CCDC178: variants seen among roughly 807,000 people sequenced by gnomAD.
CCDC178 encodes the protein coiled-coil domain containing 178.
Under a neutral mutation model 117.4 loss-of-function variants are expected in CCDC178, and 126 were observed. The ratio of observed to expected loss-of-function variants is 1.07; its 90% CI spans 0.93 to 1.24. CCDC178 has a LOEUF of 1.24. CCDC178 is among the 50% of genes most tolerant of loss of function. The probability of loss-of-function intolerance (pLI) is 0.00; values close to 1 mark genes in which losing one functional copy is unlikely to be tolerated. For missense variants in CCDC178, 1,030 were observed against 986.9 expected (o/e 1.04, Z -0.59); for synonymous variants, 283 against 313.4 (o/e 0.90, Z 1.02).
At chr18:33,081,922 G>A (rs1380924446) in intron 21 of CCDC178, among the ~76,000 whole-genome samples, 1 of 152,180 alleles carries the variant, frequency 6.6e-6, no homozygotes, top group Non-Finnish European at 1.5e-5. Flanking sequence ...TAGGAAATCA[G>A]TGAGAATTGC....
chr18:33,400,583 C>T (rs1374703308), intron 3 of CCDC178, among the ~76,000 whole-genome samples: 1 of 151,934 alleles, frequency 6.6e-6, no homozygotes, highest in Non-Finnish European at 1.5e-5. Context: ...TTCCAACTTT[C>T]CCTCTGCAGC....
chr18:33,415,493 T>G (rs745821168), intron 2 of CCDC178, among the ~76,000 whole-genome samples: 2 of 150,532 alleles, frequency 1.3e-5, no homozygotes, highest in Non-Finnish European at 3.0e-5. Flanking sequence ...TAGGTGAGAA[T>G]TGAACAATGA....
chr18:33,131,518 G>T (rs2058068501), intron 20 of CCDC178, among the ~76,000 whole-genome samples: 1 of 151,588 alleles, frequency 6.6e-6, no homozygotes, highest in Admixed American at 6.6e-5. Flanking sequence ...GTATCATATA[G>T]TTAATATAAT....
At position 33,114,040 on chromosome 18, in the gene CCDC178, T is replaced by C. The variant is rs1016762754; in HGVS notation, c.2239-21130A>G. ...AGGAAAAAAGAAAAAACAGTAAGAA[T>C]AGAATGCCCATGGACTTTGGACTAT... is the stretch of plus-strand genomic sequence containing the variant. On this transcript the variant is annotated intron_variant, in intron 20 of 22. Transcript: ENST00000383096. Among the ~76,000 whole-genome samples, 5 of 151,966 alleles carry C rather than the reference T, an allele frequency of 3.3e-5. No homozygotes were observed. The East Asian group carries it at 5.8e-4, about 18-fold the overall frequency.
At chr18:33,134,329 AT>A (rs760628558) in intron 20 of CCDC178, among the ~76,000 whole-genome samples, 9 of 151,996 alleles carry the variant, frequency 5.9e-5, no homozygotes, top group Non-Finnish European at 8.8e-5. Flanking sequence ...TTATGAAGAG[AT>A]TGTGTCCAAC....
At chr18:33,080,479 T>C (rs1211747118) in intron 21 of CCDC178, among the ~76,000 whole-genome samples, 1 of 152,114 alleles carries the variant, frequency 6.6e-6, no homozygotes, top group Non-Finnish European at 1.5e-5. Flanking sequence ...AGACATTGTA[T>C]TGACACAGGA....
At chr18:33,049,768 T>G (rs896032431) in intron 21 of CCDC178, among the ~76,000 whole-genome samples, 1 of 152,094 alleles carries the variant, frequency 6.6e-6, no homozygotes, top group African/African-American at 2.4e-5. Context: ...CAGAATTGTT[T>G]CCTAACAATA....
intron 20 of CCDC178, among the ~76,000 whole-genome samples, chr18:33,149,063 C>T (rs570582808): frequency 6.8e-4 from 103 of 152,298 alleles, no homozygotes; most frequent in Non-Finnish European, 1.1e-3. Context: ...GGTTCCTTCT[C>T]CTGTCAAACT....
chr18:33,355,302 T>C (rs1224873160), intron 7 of CCDC178, among the ~76,000 whole-genome samples: 1 of 152,262 alleles, frequency 6.6e-6, no homozygotes, highest in East Asian at 1.9e-4. Flanking sequence ...GGCTGTATTA[T>C]TTGTCATGTG....
chr18:32,946,723 GT>G (rs34352899), intron 22 of CCDC178, among the ~76,000 whole-genome samples: 7 of 137,136 alleles, frequency 5.1e-5, no homozygotes, highest in South Asian at 2.3e-4. Flanking sequence ...GGTTTTTTGG[GT>G]TTTTTTTTTT....
chr18:33,099,019 C>A (rs777073660), intron 20 of CCDC178, among the ~76,000 whole-genome samples: 1 of 151,948 alleles, frequency 6.6e-6, no homozygotes, highest in African/African-American at 2.4e-5. Flanking sequence ...TGCCCCACCA[C>A]AAACGTTAGT....
intron 21 of CCDC178, among the ~76,000 whole-genome samples, chr18:33,072,124 T>G (rs561937611): frequency 1.9e-4 from 29 of 152,264 alleles, no homozygotes; most frequent in African/African-American, 7.0e-4. Context: ...TCCCTTCTAA[T>G]TTTGGTTACT....
At chr18:33,321,668 A>G (rs151306638) in intron 11 of CCDC178, among the ~76,000 whole-genome samples, 88 of 152,134 alleles carry the variant, frequency 5.8e-4, no homozygotes, top group Middle Eastern at 3.4e-3. Flanking sequence ...ATTTCCTACT[A>G]AAAGAATAGA....
chr18:33,042,635 T>C (rs758866215), intron 21 of CCDC178, among the ~76,000 whole-genome samples: 23 of 151,978 alleles, frequency 1.5e-4, no homozygotes, highest in Admixed American at 8.5e-4. Context: ...ATTAGGAAAA[T>C]GGTTTTAATT....
chr18:33,343,220 G>A (rs779422118), intron 9 of CCDC178, among the ~76,000 whole-genome samples: 2 of 152,098 alleles, frequency 1.3e-5, no homozygotes, highest in African/African-American at 4.8e-5. Flanking sequence ...GGGAATACCT[G>A]AGGAGCCTGA....
chr18:33,287,903 A>G (rs913611820), intron 12 of CCDC178, among the ~76,000 whole-genome samples: 17 of 152,352 alleles, frequency 1.1e-4, no homozygotes, highest in African/African-American at 3.4e-4. Flanking sequence ...GGTTTACTCA[A>G]TAATTGTTCC....
intron 3 of CCDC178, among the ~76,000 whole-genome samples, chr18:33,404,940 G>C (rs2063760276): frequency 6.6e-6 from 1 of 151,994 alleles, no homozygotes; most frequent in Non-Finnish European, 1.5e-5. Flanking sequence ...ACAGATTTGT[G>C]GTTCCAGAGG....
At chr18:33,077,968 A>G (rs1479939629) in intron 21 of CCDC178, among the ~76,000 whole-genome samples, 1 of 152,206 alleles carries the variant, frequency 6.6e-6, no homozygotes, top group Non-Finnish European at 1.5e-5. Flanking sequence ...CCTGGCAGAC[A>G]CACAACAACA....
At chr18:33,376,305 A>T (rs978080558) in intron 5 of CCDC178, among the ~76,000 whole-genome samples, 1 of 152,056 alleles carries the variant, frequency 6.6e-6, no homozygotes, top group Non-Finnish European at 1.5e-5. Flanking sequence ...GCAGGAGGGG[A>T]GAGCCCTTTT....
Sources: gnomAD v4.1 joint callset for allele counts (sites outside exome capture counted in the v4.1 genomes callset) on GRCh38, gnomAD v4.1.1 for gene constraint, MANE v1.5 for transcripts, NCBI Gene and HGNC (gene_info 2026-07-23, HGNC 2026-07-21) for gene names.